Variants in OCA2 observed in about 807,000 individuals in gnomAD.
OCA2 encodes P protein.
Under a neutral mutation model 100.2 loss-of-function variants are expected in OCA2, and 77 were observed. The ratio of observed to expected loss-of-function variants is 0.77; its 90% CI spans 0.64 to 0.93. OCA2 has a LOEUF of 0.93. Among genes scored for constraint, OCA2 ranks in the 40% least tolerant of loss-of-function variants. The probability of loss-of-function intolerance (pLI) is 0.00; values close to 1 mark genes in which losing one functional copy is unlikely to be tolerated. For synonymous variants in OCA2, 432 were observed against 439.2 expected, an observed-to-expected ratio of 0.98 and a Z score of 0.21; for missense variants, 1,062 against 1,089.1, an observed-to-expected ratio of 0.98 and a Z score of 0.35.
chr15:27,775,862 G>A (rs1263513618), intron 23 of OCA2, among the ~76,000 whole-genome samples: 2 of 152,232 alleles, frequency 1.3e-5, no homozygotes, highest in Non-Finnish European at 2.9e-5. Context: ...TCGGCCCTAT[G>A]ACCTCATTTT....
At chr15:28,042,622 A>G (rs2043238147) in intron 2 of OCA2, among the ~76,000 whole-genome samples, 1 of 151,978 alleles carries the variant, frequency 6.6e-6, no homozygotes, top group Admixed American at 6.6e-5. Context: ...CCTAGGTGGC[A>G]TAGTGTGACT....
chr15:28,032,005 T>C, intron 3 of OCA2, 60 bp downstream of exon 3: 1 of 1,289,462 alleles, frequency 7.8e-7, no homozygotes, highest in Non-Finnish European at 1.1e-6. Context: ...TTCTCCAGCA[T>C]ACATGCCAGG....
chr15:28,020,810 C>T (rs2042570046), intron 6 of OCA2, among the ~76,000 whole-genome samples: 1 of 152,208 alleles, frequency 6.6e-6, no homozygotes, highest in Non-Finnish European at 1.5e-5. Flanking sequence ...TGGGTGCCTC[C>T]ATCCACTGAG....
chr15:28,019,887 AAAG>A, intron 6 of OCA2, among the ~76,000 whole-genome samples: 1 of 152,252 alleles, frequency 6.6e-6, no homozygotes, highest in East Asian at 1.9e-4. Flanking sequence ...CAGCTTTCAC[AAAG>A]AGAGGGTCCG....
At chr15:28,056,657 G>A (rs984581140) in intron 2 of OCA2, among the ~76,000 whole-genome samples, 12 of 152,270 alleles carry the variant, frequency 7.9e-5, no homozygotes, top group East Asian at 1.9e-4. Context: ...GAGGATGGCA[G>A]TGTGGCTCCC....
chr15:27,945,012 A>G lies in OCA2; in HGVS notation c.1951+6772T>C, dbSNP rs537252068. Among the ~76,000 whole-genome samples the G allele has an allele frequency of 9.7e-4, 147 of 152,270 alleles. 1 individual carries two copies. The highest frequency in any genetic ancestry group is 3.4e-3 in the African/African-American group (141 of 41,546). On this transcript the variant is annotated intron_variant, in intron 18 of 23. Transcript: ENST00000354638. ...CTAGGAGAGCAGCGATATGGTTTTT[A>G]TGTTCACCACACTAGCCCCAATCAA...
chr15:27,946,075 C>A (rs994685253), intron 18 of OCA2, among the ~76,000 whole-genome samples: 2 of 152,100 alleles, frequency 1.3e-5, no homozygotes. Flanking sequence ...TGTTTCACTG[C>A]AGAAATCATG....
intron 2 of OCA2, among the ~76,000 whole-genome samples, chr15:28,055,793 C>T (rs2043674741): frequency 6.6e-6 from 1 of 152,188 alleles, no homozygotes; most frequent in African/African-American, 2.4e-5. Flanking sequence ...GTCCCCCACC[C>T]CTAGGTGCCT....
At chr15:28,061,415 C>G (rs757794219) in intron 2 of OCA2, among the ~76,000 whole-genome samples, 11 of 152,138 alleles carry the variant, frequency 7.2e-5, no homozygotes, top group Admixed American at 3.3e-4. Flanking sequence ...ACAGGAACAG[C>G]AAAAAGCCCT....
chr15:27,942,673 T>C (rs539215101), intron 18 of OCA2, among the ~76,000 whole-genome samples: 20 of 152,330 alleles, frequency 1.3e-4, no homozygotes, highest in Admixed American at 1.3e-3. Flanking sequence ...GTGTGAATTC[T>C]ATATCTCCAT....
At chr15:27,989,369 T>C (rs1293690146) in intron 11 of OCA2, among the ~76,000 whole-genome samples, 3 of 152,216 alleles carry the variant, frequency 2.0e-5, no homozygotes, top group Non-Finnish European at 4.4e-5. Context: ...CTTTTCTAAA[T>C]GGCAATATGA....
chr15:28,075,862 T>C (rs1190711709), intron 2 of OCA2, among the ~76,000 whole-genome samples: 2 of 152,204 alleles, frequency 1.3e-5, no homozygotes, highest in South Asian at 4.1e-4. Flanking sequence ...AACAGATTGA[T>C]GGTTAACAAG....
intron 23 of OCA2, among the ~76,000 whole-genome samples, chr15:27,831,318 C>G (rs530755395): frequency 7.6e-6 from 1 of 130,724 alleles, no homozygotes; most frequent in Non-Finnish European, 1.7e-5. Context: ...CGGTCTGAGT[C>G]CAGTGAGTCC....
At chr15:28,040,462 A>G (rs1441488812) in intron 2 of OCA2, among the ~76,000 whole-genome samples, 2 of 152,186 alleles carry the variant, frequency 1.3e-5, no homozygotes, top group Non-Finnish European at 2.9e-5. Context: ...GAAAAAGGAG[A>G]ACAAACTAAA....
At chr15:27,991,929 T>G (rs2041568026) in intron 9 of OCA2, among the ~76,000 whole-genome samples, 1 of 152,256 alleles carries the variant, frequency 6.6e-6, no homozygotes, top group Admixed American at 6.5e-5. Flanking sequence ...TGTGTAGTAC[T>G]AGATTCAAAG....
chr15:28,090,656 T>C (rs2044854996), intron 1 of OCA2, among the ~76,000 whole-genome samples: 1 of 151,998 alleles, frequency 6.6e-6, no homozygotes, highest in Non-Finnish European at 1.5e-5. Context: ...AAAGTGAAAA[T>C]ATAACATATC....
chr15:27,821,734 T>TGCATACATATAAGCTC (rs2034515800), intron 23 of OCA2, among the ~76,000 whole-genome samples: 1 of 152,052 alleles, frequency 6.6e-6, no homozygotes, highest in South Asian at 2.1e-4. Context: ...CACTCATACA[T>TGCATACATATAAGCTC]GCATACATAT....
chr15:27,936,796 C>T (rs2039469109), intron 18 of OCA2, among the ~76,000 whole-genome samples: 1 of 152,256 alleles, frequency 6.6e-6, no homozygotes, highest in East Asian at 1.9e-4. Context: ...CACCAAAGCT[C>T]GGAGTGAAGC....
intron 14 of OCA2, among the ~76,000 whole-genome samples, chr15:27,978,879 G>A (rs2041055754): frequency 6.6e-6 from 1 of 152,078 alleles, no homozygotes; most frequent in Non-Finnish European, 1.5e-5. Context: ...TAGAGACGGG[G>A]TTTCACCATG....
Sources: gnomAD v4.1 joint callset for allele counts (sites outside exome capture counted in the v4.1 genomes callset) on GRCh38, gnomAD v4.1.1 for gene constraint, MANE v1.5 for transcripts, NCBI Gene and HGNC (gene_info 2026-07-23, HGNC 2026-07-21) for gene names.